Variants in FHOD1 observed in about 807,000 individuals in gnomAD.
FHOD1 encodes FH1/FH2 domain-containing protein 1.
In FHOD1, 89 loss-of-function variants were observed where a neutral mutation model predicts 111.6. That is an observed-to-expected ratio of 0.80 (90% CI 0.67 to 0.95). The LOEUF is 0.95. Ranked by LOEUF, FHOD1 falls within the 40% of genes least tolerant of loss-of-function variation. The probability of loss-of-function intolerance (pLI) is 0.00; values close to 1 mark genes in which losing one functional copy is unlikely to be tolerated. For missense variants in FHOD1, 1,446 were observed against 1,554.2 expected (o/e 0.93, Z 1.17); for synonymous variants, 618 against 639.0 (o/e 0.97, Z 0.50).
In FHOD1 at chr16:67,238,790, G is replaced by T. The variant is rs967814065; in HGVS notation, c.373+113C>A. 1.4e-5 allele frequency: 14 copies of T among 991,588 alleles called. No homozygotes were observed. Among genetic ancestry groups the T allele is most frequent in the Non-Finnish European group, 2.3e-5 (14 of 621,394 alleles). 61.4% of individuals were successfully genotyped at this position (991,588 alleles called of 1,614,324 possible). A position where few individuals can be genotyped will look rare whatever the true frequency, so the allele number is the denominator to read the frequency against. Reference sequence around the variant, plus strand: ...GAAGAGGTCAGGATAGGGAGAGGAAGGAGCACATACAGCTAAACCTACTTT... The same window carrying T: ...GAAGAGGTCAGGATAGGGAGAGGAATGAGCACATACAGCTAAACCTACTTT... On this transcript the variant is annotated intron_variant, in intron 3 of 21. Transcript: ENST00000258201. The surrounding 1 kb of genome is among the most constrained non-coding windows in gnomAD (Gnocchi z 4.2).
chr16:67,243,307 TG>T (rs1292256133), intron 1 of FHOD1, among the ~76,000 whole-genome samples: 1 of 151,994 alleles, frequency 6.6e-6, no homozygotes, highest in African/African-American at 2.4e-5. Flanking sequence ...GGATGGGCCT[TG>T]GGGAGGGAAA....
intron 1 of FHOD1, among the ~76,000 whole-genome samples, chr16:67,241,430 C>T (rs969537663): frequency 6.6e-6 from 1 of 152,192 alleles, no homozygotes; most frequent in Non-Finnish European, 1.5e-5. Context: ...CAGGCACAGC[C>T]GCATCTCCCT....
intron 1 of FHOD1, chr16:67,247,009 T>G: frequency 3.4e-6 from 2 of 596,442 alleles, no homozygotes. Context: ...GCCAAGTTCC[T>G]GGCACCCCTC....
At chr16:67,241,733 TATAAAG>T (rs1470197551) in intron 1 of FHOD1, among the ~76,000 whole-genome samples, 1 of 152,198 alleles carries the variant, frequency 6.6e-6, no homozygotes, top group Non-Finnish European at 1.5e-5. Flanking sequence ...GGCAGAGTGC[TATAAAG>T]ATAAACGGGA....
intron 1 of FHOD1, chr16:67,246,963 G>A: frequency 1.9e-6 from 1 of 525,088 alleles, no homozygotes; most frequent in South Asian, 2.7e-5. Flanking sequence ...CACCTCCCCA[G>A]GTGCGCCTAA....
rs1362297110 is a variant in FHOD1 at position 67,237,812 on chromosome 16, C to T, written c.643-44G>A. 1.9e-6 allele frequency: 3 copies of T among 1,555,978 alleles called. No individual in the cohort carries two copies. Among genetic ancestry groups the T allele is most frequent in the Non-Finnish European group, 2.7e-6 (3 of 1,127,814 alleles). On this transcript the variant is annotated intron_variant, in intron 6 of 21. Coordinates refer to ENST00000258201, the MANE Select transcript of FHOD1 (RefSeq NM_013241.3). The surrounding 1 kb of genome is among the most constrained non-coding windows in gnomAD (Gnocchi z 5.6). ...ACATATGAGTGGGGCTTAGGCCAGA[C>T]CTGTGCCAGCTGTTGCTGGGGAAGG... is the stretch of plus-strand genomic sequence containing the variant.
chr16:67,242,510 TCCTGGGGTC>T (rs1226970235), intron 1 of FHOD1, among the ~76,000 whole-genome samples: 1 of 152,228 alleles, frequency 6.6e-6, no homozygotes, highest in African/African-American at 2.4e-5. Flanking sequence ...CCCGGCCCCT[TCCTGGGGTC>T]ACCCTTCTGA....
chr16:67,229,947 G>T lies in FHOD1; in HGVS notation c.3258C>A (p.Pro1086=). ...SSSPIMPTVG[P]STASPEEPPG... ...GGGGTTCTTCTGGGGATGCAGTGGA[G>T]GGCCCCACTGTGGGCATGATTGGGG... is the stretch of plus-strand genomic sequence containing the variant. The change falls in exon 21 of 22, where the codon CCC becomes CCA. Residue 1086 remains proline (P), a synonymous_variant. Transcript: ENST00000258201. 6.2e-7 allele frequency: 1 copy of T among 1,614,222 alleles called. No individual in the cohort carries two copies. The highest frequency in any genetic ancestry group is 8.5e-7 in the Non-Finnish European group (1 of 1,180,038).
In FHOD1 at chr16:67,230,247, T is replaced by C; in HGVS notation, c.3052-19A>G. On this transcript the variant is annotated intron_variant, in intron 19 of 21. Coordinates refer to ENST00000258201, the MANE Select transcript of FHOD1 (RefSeq NM_013241.3). ...TCTCTGTCTGGAGAAAGAAGAAGGGTGAGCTGGGAGGAGCGAAGGAAACCA... is the reference window on the plus strand; with the variant it reads ...TCTCTGTCTGGAGAAAGAAGAAGGGCGAGCTGGGAGGAGCGAAGGAAACCA... 2 of 1,613,416 alleles carry C rather than the reference T, an allele frequency of 1.2e-6. No individual in the cohort carries two copies. Among genetic ancestry groups the C allele is most frequent in the Non-Finnish European group, 1.7e-6 (2 of 1,179,566 alleles).
chr16:67,236,484 GC>G (rs1479472484), intron 11 of FHOD1, 72 bp downstream of exon 11: 1 of 1,566,692 alleles, frequency 6.4e-7, no homozygotes, highest in African/African-American at 1.3e-5. Flanking sequence ...GAGGCTGAGT[GC>G]CCATGGAGGG....
rs373077110 is a variant in FHOD1, at chr16:67,230,224, T to C, written c.3056A>G (p.Glu1019Gly). 48 of 1,613,788 alleles carry C rather than the reference T, an allele frequency of 3.0e-5. No individual in the cohort carries two copies. The highest frequency in any genetic ancestry group is 4.1e-5 in the Non-Finnish European group (48 of 1,179,892). The change falls in exon 20 of 22, where the codon GAG becomes GGG. Residue 1019 changes from glutamate to glycine, a missense_variant. Glu to Gly is a moderately conservative substitution (Grantham distance 98, BLOSUM62 -2). Around this residue, in one of 3 missense-constraint regions of FHOD1, gnomAD observed 1,085 missense variants for 1,108.8 expected, o/e 0.98. Coordinates refer to ENST00000258201, the MANE Select transcript of FHOD1 (RefSeq NM_013241.3). ...TTCCCCAGCCACACCTGAGAACTTC[T>C]CTGTCTGGAGAAAGAAGAAGGGTGA... is the stretch of plus-strand genomic sequence containing the variant. ...KTRGRMITET[E>G]KFSGVAGEAP...
chr16:67,230,299 TGGAAGGGCACCCACCTCG>T lies in FHOD1; in HGVS notation c.3048_3051+14del. On this transcript the variant is annotated splice_donor_variant and splice_donor_5th_base_variant and coding_sequence_variant and intron_variant, in exon 19 of 22. Coordinates refer to ENST00000258201, the MANE Select transcript of FHOD1 (RefSeq NM_013241.3). LOFTEE classifies it high-confidence loss of function. ...GGAGGTGGCAGTCAAGACTAAGACC[TGGAAGGGCACCCACCTCG>T]GTGATCATGCGTCCCCGGGTCTTGT... 1.2e-6 allele frequency: 2 copies of T among 1,614,024 alleles called. No individual in the cohort carries two copies. The highest frequency in any genetic ancestry group is 3.3e-4 in the Middle Eastern group (2 of 6,062).
Position 67,247,390 on chromosome 16 carries a change from G to C in FHOD1, c.21C>G (p.Arg7=). MAGGED[R]GDGEPVSVVT... Reference sequence around the variant, plus strand: ...CCACTGATACCGGCTCTCCGTCCCCGCGGTCTTCCCCGCCCGCCATGGCTC... The same window carrying C: ...CCACTGATACCGGCTCTCCGTCCCCCCGGTCTTCCCCGCCCGCCATGGCTC... Residue 7 remains arginine (R), a synonymous_variant, in exon 1 of 22, where the codon CGC becomes CGG. Coordinates refer to ENST00000258201, the MANE Select transcript of FHOD1 (RefSeq NM_013241.3). 1 of 1,612,954 alleles carries C rather than the reference G, an allele frequency of 6.2e-7. No homozygotes were observed. Among genetic ancestry groups the C allele is most frequent in the Non-Finnish European group, 8.5e-7 (1 of 1,179,658 alleles).
intron 13 of FHOD1, among the ~76,000 whole-genome samples, 168 bp from the exon 14 acceptor site, chr16:67,232,362 A>T (rs2034312096): frequency 6.6e-6 from 1 of 151,494 alleles, no homozygotes; most frequent in Non-Finnish European, 1.5e-5. Flanking sequence ...CTAAAAATAC[A>T]AAAAAAATTA....
chr16:67,238,591 C>G lies in FHOD1; in HGVS notation c.374-144G>C. 3 of 847,184 alleles carry G rather than the reference C, an allele frequency of 3.5e-6. No homozygotes were observed. The highest frequency in any genetic ancestry group is 5.8e-6 in the Non-Finnish European group (3 of 521,492). 52.5% of individuals were successfully genotyped at this position (847,184 alleles called of 1,614,324 possible). A position where few individuals can be genotyped will look rare whatever the true frequency, so the allele number is the denominator to read the frequency against. On this transcript the variant is annotated intron_variant, in intron 3 of 21. Coordinates refer to ENST00000258201, the MANE Select transcript of FHOD1 (RefSeq NM_013241.3). This position sits in a 1 kb window ranked among gnomAD's most constrained non-coding sequence, Gnocchi z 4.2. The stretch of plus-strand genomic sequence containing the variant: ...ACAGGGTCTCACTCTGTCACTCAGG[C>G]TGGAGTGTGGAGTGCAGTGGCACAG...
Position 67,231,972 on chromosome 16 carries a change from G to A in FHOD1, c.2202+67C>T, listed in dbSNP as rs764644193. 1.9e-5 allele frequency: 30 copies of A among 1,591,218 alleles called. No homozygotes were observed. The highest frequency in any genetic ancestry group is 3.4e-5 in the Admixed American group (2 of 58,622). ...GCCCATGCCCACCACCAGAGGGACAGGAAATGCCCACCTACCAAAGGAGAA... is the reference window on the plus strand; with the variant it reads ...GCCCATGCCCACCACCAGAGGGACAAGAAATGCCCACCTACCAAAGGAGAA... On this transcript the variant is annotated intron_variant, in intron 14 of 21. Transcript: ENST00000258201. The surrounding 1 kb of genome is among the most constrained non-coding windows in gnomAD (Gnocchi z 4.3).
At position 67,231,624 on chromosome 16, in the gene FHOD1, A is replaced by G. The variant is rs749109389; in HGVS notation, c.2385+13T>C. 1 of 1,614,064 alleles carries G rather than the reference A, an allele frequency of 6.2e-7. No homozygotes were observed. Among genetic ancestry groups the G allele is most frequent in the Non-Finnish European group, 8.5e-7 (1 of 1,179,950 alleles). On this transcript the variant is annotated intron_variant, in intron 15 of 21. Coordinates refer to ENST00000258201, the MANE Select transcript of FHOD1 (RefSeq NM_013241.3). This position sits in a 1 kb window ranked among gnomAD's most constrained non-coding sequence, Gnocchi z 4.3. ...CTGTCCCTACTGACTGTCCCACTCC[A>G]AGACCCAGGTACCCGCTCCATGCTG...
At chr16:67,240,145 G>A (rs1321148634) in intron 1 of FHOD1, among the ~76,000 whole-genome samples, 3 of 152,170 alleles carry the variant, frequency 2.0e-5, no homozygotes, top group Admixed American at 6.5e-5. Flanking sequence ...AGTCCCACCA[G>A]ATTTCAGGGT....
At position 67,236,659 on chromosome 16, in the gene FHOD1, C is replaced by G. The variant is rs772953255; in HGVS notation, c.1217G>C (p.Ser406Thr). Reference sequence around the variant, plus strand: ...GAGACCGGAGGGAGGGCCCACAGGGCTGGAGGCGGGGCCTGTCAGCAGGGC... The same window carrying G: ...GAGACCGGAGGGAGGGCCCACAGGGGTGGAGGCGGGGCCTGTCAGCAGGGC... Reference protein sequence around the residue: ...GPALLTGPASSPVGPPSGLQA... With the variant: ...GPALLTGPASTPVGPPSGLQA... Residue 406 changes from serine to threonine, a missense_variant, in exon 11 of 22, where the codon AGC becomes ACC. Physicochemically the swap from Ser to Thr is moderately conservative, Grantham distance 58 (BLOSUM62 1). This residue lies in a region of FHOD1 where 1,085 missense variants were observed against 1,108.8 expected (regional missense o/e 0.98). Transcript: ENST00000258201. 1 of 1,610,150 alleles carries G rather than the reference C, an allele frequency of 6.2e-7. No homozygotes were observed. The highest frequency in any genetic ancestry group is 8.5e-7 in the Non-Finnish European group (1 of 1,178,438).
Sources: gnomAD v4.1 joint callset for allele counts (sites outside exome capture counted in the v4.1 genomes callset) on GRCh38, gnomAD v4.1.1 for gene constraint, gnomAD v4.1.1 regional missense constraint, Gnocchi (gnomAD v3.1) non-coding constraint, MANE v1.5 for transcripts, NCBI Gene and HGNC (gene_info 2026-07-23, HGNC 2026-07-21) for gene names.